The following CTNNA2 variants were observed in gnomAD, a reference collection of about 807,000 sequenced individuals.
CTNNA2 encodes catenin alpha-2.
A neutral mutation model predicts 101.0 loss-of-function variants in CTNNA2; 42 were observed. The ratio of observed to expected loss-of-function variants is 0.42; its 90% CI spans 0.32 to 0.54. CTNNA2 has a LOEUF of 0.54. Among genes scored for constraint, CTNNA2 ranks in the 20% least tolerant of loss-of-function variants. The pLI is 0.14. For missense variants in CTNNA2, 871 were observed against 1,223.1 expected (o/e 0.71, Z 4.29); for synonymous variants, 450 against 456.4 (o/e 0.99, Z 0.18).
At chr2:80,633,108 G>A (rs1352855276) in intron 18 of CTNNA2, among the ~76,000 whole-genome samples, 1 of 151,962 alleles carries the variant, frequency 6.6e-6, no homozygotes, top group African/African-American at 2.4e-5. Context: ...TGTTTCAGAT[G>A]GTATAGATGA....
At chr2:79,953,990 G>C (rs1689053006) in intron 7 of CTNNA2, among the ~76,000 whole-genome samples, 1 of 152,094 alleles carries the variant, frequency 6.6e-6, no homozygotes. Flanking sequence ...GACACTACCT[G>C]AAAAGGGCTA....
Position 79,989,658 on chromosome 2 carries a change from A to AACG in CTNNA2, c.1056+79863_1056+79864insGAC, listed in dbSNP as rs1692029544. Among the ~76,000 whole-genome samples the AACG allele has an allele frequency of 2.0e-5, 3 of 152,046 alleles. No individual in the cohort carries two copies. In the South Asian group the frequency reaches 6.2e-4, roughly 32 times the overall value. On this transcript the variant is annotated intron_variant, in intron 7 of 18. Coordinates refer to ENST00000402739, the MANE Select transcript of CTNNA2 (RefSeq NM_001282597.3). ...CCTGCCTCAAATAAACAACAACAAC[A>AACG]ACAACAGAATTGGAGTATTAGTGAC...
At position 79,227,322 on chromosome 2, in the gene CTNNA2, T is replaced by G. The variant is rs546667485; in HGVS notation, c.-406+29246T>G. On this transcript the variant is annotated intron_variant, in intron 2 of 21. Coordinates refer to the CTNNA2 transcript ENST00000466387. ...GAAGGCAGAAGTAATAAATTTACAT[T>G]TATTCCATCATTTGATGTCTGTGGA... Among the ~76,000 whole-genome samples the G allele has an allele frequency of 3.9e-5, 6 of 152,264 alleles. No individual in the cohort carries two copies. The South Asian group carries it at 8.3e-4, about 21-fold the overall frequency.
At chr2:79,199,428 G>T (rs1196805502) in intron 2 of CTNNA2, among the ~76,000 whole-genome samples, 3 of 152,108 alleles carry the variant, frequency 2.0e-5, no homozygotes. Context: ...TGTTGTTGTT[G>T]TTATTGTGGT....
At chr2:80,602,554 G>A (rs184946155) in intron 15 of CTNNA2, among the ~76,000 whole-genome samples, 192 of 152,162 alleles carry the variant, frequency 1.3e-3, no homozygotes, top group African/African-American at 4.4e-3. Flanking sequence ...AGGTCTAGAA[G>A]TTACAAAGAA....
chr2:80,305,812 C>A (rs948387688), intron 7 of CTNNA2, among the ~76,000 whole-genome samples: 1 of 152,052 alleles, frequency 6.6e-6, no homozygotes, highest in Non-Finnish European at 1.5e-5. Flanking sequence ...AGAAAGCCTG[C>A]GGGAAGTGAG....
At chr2:80,630,614 C>T (rs1444138715) in intron 18 of CTNNA2, among the ~76,000 whole-genome samples, 1 of 151,902 alleles carries the variant, frequency 6.6e-6, no homozygotes, top group African/African-American at 2.4e-5. Context: ...TCCAGCCTGG[C>T]AACGGAGCAA....
intron 7 of CTNNA2, among the ~76,000 whole-genome samples, chr2:79,915,322 CACACACACAT>C (rs974759781): frequency 5.4e-5 from 8 of 149,064 alleles, no homozygotes; most frequent in South Asian, 2.1e-4. Flanking sequence ...CACACACACA[CACACACACAT>C]TACACTTTGC....
rs189467522 is a variant in CTNNA2, at chr2:80,561,968, G to A, written c.1741+6075G>A. The stretch of plus-strand genomic sequence containing the variant: ...TGGGATTACAGGCATGAGCCACCGC[G>A]CCTGGCCACGTTTTTTATGTAAACA... On this transcript the variant is annotated intron_variant, in intron 12 of 18. Coordinates refer to ENST00000402739, the MANE Select transcript of CTNNA2 (RefSeq NM_001282597.3). Among the ~76,000 whole-genome samples the A allele has an allele frequency of 1.7e-4, 26 of 151,678 alleles. No individual in the cohort carries two copies. The South Asian group carries it at 2.1e-3, about 12-fold the overall frequency.
intron 7 of CTNNA2, among the ~76,000 whole-genome samples, chr2:80,219,027 AC>A (rs1708426446): frequency 1.3e-5 from 2 of 152,154 alleles, no homozygotes; most frequent in Non-Finnish European, 2.9e-5. Flanking sequence ...TACTTAGGTT[AC>A]TTGGATATCG....
At chr2:79,275,974 G>T (rs1254810932) in intron 2 of CTNNA2, among the ~76,000 whole-genome samples, 2 of 152,060 alleles carry the variant, frequency 1.3e-5, no homozygotes, top group Non-Finnish European at 2.9e-5. Context: ...GTGGATGGCA[G>T]ACTTCAGTTT....
chr2:80,525,982 G>C lies in CTNNA2; in HGVS notation c.1291-19000G>C, dbSNP rs576499874. Among the ~76,000 whole-genome samples, 7 of 152,232 alleles carry C rather than the reference G, an allele frequency of 4.6e-5. No individual in the cohort carries two copies. In the East Asian group the frequency reaches 1.4e-3, roughly 29 times the overall value. On this transcript the variant is annotated intron_variant, in intron 9 of 18. Transcript: ENST00000402739. ...ATTGAAAGTAATGTCAAAAACCACA[G>C]TTACTTTTGCACCAACCTAATACTC...
chr2:80,233,280 C>G (rs937786177), intron 7 of CTNNA2, among the ~76,000 whole-genome samples: 1 of 152,152 alleles, frequency 6.6e-6, no homozygotes, highest in African/African-American at 2.4e-5. Context: ...GCAGAGTGCT[C>G]TTCCACAAAG....
intron 9 of CTNNA2, among the ~76,000 whole-genome samples, chr2:80,504,455 G>C (rs1198964763): frequency 6.6e-6 from 1 of 152,206 alleles, no homozygotes; most frequent in African/African-American, 2.4e-5. Context: ...ACATGGGAAT[G>C]ACAATCCCGT....
chr2:79,778,235 A>G (rs925676155), intron 3 of CTNNA2, among the ~76,000 whole-genome samples: 5 of 143,938 alleles, frequency 3.5e-5, no homozygotes, highest in African/African-American at 1.4e-4. Flanking sequence ...AGTCCCAGCT[A>G]CTTGGGAGGC....
intron 7 of CTNNA2, among the ~76,000 whole-genome samples, chr2:80,222,241 CCA>C (rs1380469233): frequency 6.6e-6 from 1 of 152,252 alleles, no homozygotes; most frequent in African/African-American, 2.4e-5. Flanking sequence ...TTTTCTGCCT[CCA>C]GAGTCCCAAA....
At chr2:80,306,571 G>T (rs1677047811) in intron 7 of CTNNA2, among the ~76,000 whole-genome samples, 1 of 151,866 alleles carries the variant, frequency 6.6e-6, no homozygotes, top group Admixed American at 6.6e-5. Context: ...CACCTCCAAG[G>T]TGCTGCGGAA....
chr2:79,245,611 A>G (rs926928726), intron 2 of CTNNA2, among the ~76,000 whole-genome samples: 1 of 152,194 alleles, frequency 6.6e-6, no homozygotes, highest in Admixed American at 6.5e-5. Flanking sequence ...GGTATGGTGC[A>G]TTTCAGTCCG....
chr2:80,539,321 TTTGTTG>T (rs201550094), intron 9 of CTNNA2, among the ~76,000 whole-genome samples: 76 of 122,488 alleles, frequency 6.2e-4, no homozygotes, highest in Middle Eastern at 4.0e-3. Flanking sequence ...CTTTTTTTTT[TTTGTTG>T]TTGTTGTTGT....
Sources: allele counts gnomAD v4.1 joint callset (sites outside exome capture counted in the v4.1 genomes callset), GRCh38; gene constraint gnomAD v4.1.1; transcripts MANE v1.5; gene names NCBI Gene and HGNC (gene_info 2026-07-23, HGNC 2026-07-21).